Variants in PPHLN1 observed in about 807,000 individuals in gnomAD.
PPHLN1 encodes periphilin 1, also known as periphilin-1.
In PPHLN1, 29 loss-of-function variants were observed where a neutral mutation model predicts 51.3. The ratio of observed to expected loss-of-function variants is 0.57; its 90% CI spans 0.42 to 0.77. The LOEUF (loss-of-function observed/expected upper bound fraction) is 0.77, where lower values mean the gene tolerates loss of function less well. Ranked by LOEUF, PPHLN1 falls within the 30% of genes least tolerant of loss-of-function variation. The pLI is 0.00. For missense variants in PPHLN1, 436 were observed against 438.4 expected (o/e 0.99, Z 0.05); for synonymous variants, 147 against 147.8 (o/e 0.99, Z 0.04).
intron 7 of PPHLN1, among the ~76,000 whole-genome samples, chr12:42,392,037 T>G (rs1346327953): frequency 6.6e-6 from 1 of 152,106 alleles, no homozygotes; most frequent in East Asian, 1.9e-4. Flanking sequence ...GCCAACGTGG[T>G]GAAATCCTGT....
downstream of PPHLN1, chr12:42,446,444 G>T: frequency 7.5e-7 from 1 of 1,328,990 alleles, no homozygotes. Context: ...CATACCCCCA[G>T]TGGGGTTCCT....
chr12:42,352,560 C>A lies in PPHLN1; in HGVS notation c.237+511C>A, dbSNP rs760799947. Among the ~76,000 whole-genome samples the A allele has an allele frequency of 9.2e-5, 14 of 151,658 alleles. 1 individual carries two copies. Among genetic ancestry groups the A allele is most frequent in the Non-Finnish European group, 1.6e-4 (11 of 67,938 alleles). ...AAGTAGCTGGGATTACAGGCACGTG[C>A]CACCGTGCCTGGCTAATTTTTGTGT... is the stretch of plus-strand genomic sequence containing the variant. On this transcript the variant is annotated intron_variant, in intron 3 of 9. Transcript: ENST00000358314.
rs934401221 is a variant in PPHLN1, at chr12:42,360,784, C to T, written c.299+5562C>T. On this transcript the variant is annotated intron_variant, in intron 4 of 9. Transcript: ENST00000358314. ...CTTGGATTACAGGCATGAGCCACCG[C>T]GCCCAGCCGCCGAATTCTTTTTCTT... 3.9e-5 allele frequency among the ~76,000 whole-genome samples: 6 copies of T among 152,204 alleles called. No homozygotes were observed. The South Asian group carries it at 1.0e-3, about 26-fold the overall frequency.
At position 42,403,544 on chromosome 12, in the gene PPHLN1, A is replaced by C. The variant is rs1344000859; in HGVS notation, c.909+4550A>C. 1.3e-5 allele frequency among the ~76,000 whole-genome samples: 2 copies of C among 152,238 alleles called. 1 individual carries two copies. The highest frequency in any genetic ancestry group is 4.1e-4 in the South Asian group (2 of 4,838). ...ATTTGTATCATATTTAAAAGGAAGC[A>C]TCTCTTAAAGGTAATTTAGTTATTT... On this transcript the variant is annotated intron_variant, in intron 9 of 9. Transcript: ENST00000358314.
chr12:42,447,830 C>T (rs369884509), downstream of PPHLN1: 11 of 152,038 alleles, frequency 7.2e-5, no homozygotes, highest in East Asian at 1.9e-4. Context: ...TGTGCCATTC[C>T]GCAAATTTAA....
chr12:42,331,740 C>CTAT (rs2069767215), intron 1 of PPHLN1: 1 of 152,160 alleles, frequency 6.6e-6, no homozygotes, highest in Admixed American at 6.5e-5. Flanking sequence ...GAGGGTCCTT[C>CTAT]TATTGTTCTG....
At chr12:42,356,363 A>G (rs2074048947) in intron 4 of PPHLN1, among the ~76,000 whole-genome samples, 1 of 152,212 alleles carries the variant, frequency 6.6e-6, no homozygotes, top group South Asian at 2.1e-4. Flanking sequence ...GTGACTGTGC[A>G]CACAGTGGGA....
chr12:42,442,630 C>G (rs374077078), downstream of PPHLN1: 8 of 1,613,648 alleles, frequency 5.0e-6, no homozygotes, highest in East Asian at 8.9e-5. Context: ...TTCATCCGGT[C>G]GCTCGGCCAG....
chr12:42,406,177 G>A (rs2079286329), intron 9 of PPHLN1, among the ~76,000 whole-genome samples: 1 of 147,810 alleles, frequency 6.8e-6, no homozygotes, highest in African/African-American at 2.5e-5. Context: ...TCCACCTTCC[G>A]GGTTCATGCC....
intron 5 of PPHLN1, among the ~76,000 whole-genome samples, chr12:42,380,557 G>A (rs1322677858): frequency 6.6e-6 from 1 of 152,018 alleles, no homozygotes; most frequent in Non-Finnish European, 1.5e-5. Context: ...AAAGACATAC[G>A]TCTTAAGAGC....
At chr12:42,389,416 C>T (rs1045445702) in intron 7 of PPHLN1, among the ~76,000 whole-genome samples, 3 of 150,090 alleles carry the variant, frequency 2.0e-5, no homozygotes, top group East Asian at 2.0e-4. Flanking sequence ...AACAATTAGC[C>T]GGGTGTGGTG....
chr12:42,352,020 G>A lies in PPHLN1; in HGVS notation c.208G>A (p.Asp70Asn). 6.5e-7 allele frequency: 1 copy of A among 1,541,344 alleles called. No individual in the cohort carries two copies. Among genetic ancestry groups the A allele is most frequent in the Non-Finnish European group, 8.7e-7 (1 of 1,150,594 alleles). ...TGACGAGGGCCGCAGTTTTTCTCAT[G>A]ATCGAAGAAGTGGTCCACCTCACAG... is the stretch of plus-strand genomic sequence containing the variant. ...DYDEGRSFSH[D>N]RRSGPPHRGD... The change falls in exon 3 of 10, where the codon GAT becomes AAT. Residue 70 changes from aspartate (D) to asparagine (N), a missense_variant. By Grantham distance (23) the Asp-to-Asn change is conservative (BLOSUM62 1). Transcript: ENST00000358314.
rs138915268 is a variant in PPHLN1, at chr12:42,349,258, G to A, written c.73-2627G>A. 1.8e-4 allele frequency among the ~76,000 whole-genome samples: 28 copies of A among 152,284 alleles called. No individual in the cohort carries two copies. The East Asian group carries it at 4.8e-3, about 26-fold the overall frequency. On this transcript the variant is annotated intron_variant, in intron 2 of 9. Transcript: ENST00000358314. ...GAGCACTTAGTGTGTGCCTGAACAC[G>A]GTACTAAACACTTTGCATTCCATTT...
At chr12:42,340,429 A>G (rs978069184) in intron 2 of PPHLN1, among the ~76,000 whole-genome samples, 12 of 152,214 alleles carry the variant, frequency 7.9e-5, no homozygotes, top group Non-Finnish European at 1.2e-4. Context: ...CATTATTTGT[A>G]AGAGCTTCAA....
chr12:42,338,086 G>A (rs1383309853), intron 2 of PPHLN1, among the ~76,000 whole-genome samples: 1 of 151,692 alleles, frequency 6.6e-6, no homozygotes, highest in Non-Finnish European at 1.5e-5. Flanking sequence ...CACTGCACCC[G>A]CATCTAATTT....
At position 42,408,012 on chromosome 12, in the gene PPHLN1, A is replaced by G. The variant is rs375222534; in HGVS notation, c.909+9018A>G. Among the ~76,000 whole-genome samples, 8 of 152,292 alleles carry G rather than the reference A, an allele frequency of 5.3e-5. No homozygotes were observed. In the East Asian group the frequency reaches 1.5e-3, roughly 29 times the overall value. ...GGCTATTTGGAGAGTTAGCCATCAT[A>G]TCCTCCCATGATTAGTGTTATTGAA... is the stretch of plus-strand genomic sequence containing the variant. On this transcript the variant is annotated intron_variant, in intron 9 of 9. Transcript: ENST00000358314.
intron 1 of PPHLN1, among the ~76,000 whole-genome samples, chr12:42,327,859 C>T (rs2069047939): frequency 6.6e-6 from 1 of 152,172 alleles, no homozygotes; most frequent in Non-Finnish European, 1.5e-5. Flanking sequence ...ATACTTCACC[C>T]TTAGAAGGGG....
chr12:42,409,167 A>G (rs1302566081), intron 9 of PPHLN1, among the ~76,000 whole-genome samples: 1 of 152,184 alleles, frequency 6.6e-6, no homozygotes, highest in Non-Finnish European at 1.5e-5. Context: ...TACTGGAACT[A>G]TGGAAAGCAA....
At chr12:42,444,680 A>G (rs1013539645), downstream of PPHLN1, 1 of 189,412 alleles carries the variant, frequency 5.3e-6, no homozygotes, top group Admixed American at 5.8e-5. Flanking sequence ...CCTTGAGTAA[A>G]AAACAATTTG....
Sources: gnomAD v4.1 joint callset for allele counts (sites outside exome capture counted in the v4.1 genomes callset) on GRCh38, gnomAD v4.1.1 for gene constraint, MANE v1.5 for transcripts, NCBI Gene and HGNC (gene_info 2026-07-23, HGNC 2026-07-21) for gene names.